The following SCP2 variants were observed in gnomAD, a reference collection of about 807,000 sequenced individuals.
SCP2 encodes sterol carrier protein 2, also known as SCP-2/3-oxoacyl-CoA thiolase.
Under a neutral mutation model 71.4 loss-of-function variants are expected in SCP2, and 48 were observed. That is an observed-to-expected ratio of 0.67 (90% CI 0.53 to 0.86). SCP2 has a LOEUF of 0.86. SCP2 is among the 40% of genes least tolerant of loss of function. The probability of loss-of-function intolerance (pLI) is 0.00; values close to 1 mark genes in which losing one functional copy is unlikely to be tolerated. For missense variants in SCP2, 560 were observed against 655.6 expected, an observed-to-expected ratio of 0.85 and a Z score of 1.59; for synonymous variants, 220 against 218.1, an observed-to-expected ratio of 1.01 and a Z score of -0.08.
intron 1 of SCP2, among the ~76,000 whole-genome samples, chr1:52,939,616 T>C (rs111523744): frequency 0.043 from 6,491 of 152,280 alleles, 399 homozygotes; most frequent in African/African-American, 0.14. Context: ...TCAACTCCTT[T>C]GGGTAAATGC....
chr1:53,020,657 A>G lies in SCP2; in HGVS notation c.1235+5614A>G, dbSNP rs115483090. Among the ~76,000 whole-genome samples, 1,032 of 152,250 alleles carry G rather than the reference A, an allele frequency of 6.8e-3. 11 individuals are homozygous for G. Among genetic ancestry groups the G allele is most frequent in the African/African-American group, 0.023 (976 of 41,542 alleles). The stretch of plus-strand genomic sequence containing the variant: ...ACTTAGGGGTATAGGAAAAAAATGA[A>G]CTTAAATTTTTAGTACAGTATGGGG... On this transcript the variant is annotated intron_variant, in intron 12 of 15. Transcript: ENST00000371514.
At chr1:53,024,030 G>T (rs186439693) in intron 12 of SCP2, among the ~76,000 whole-genome samples, 269 of 152,212 alleles carry the variant, frequency 1.8e-3, no homozygotes, top group Non-Finnish European at 3.0e-3. Flanking sequence ...CAGGCCACAA[G>T]ATTTTTCTCC....
intron 10 of SCP2, among the ~76,000 whole-genome samples, chr1:52,986,910 A>G (rs899002514): frequency 6.7e-6 from 1 of 149,740 alleles, no homozygotes; most frequent in Non-Finnish European, 1.5e-5. Context: ...ACTACATATC[A>G]CTTCATTCAC....
At chr1:53,006,122 G>T (rs1572176063) in intron 11 of SCP2, among the ~76,000 whole-genome samples, 1 of 152,310 alleles carries the variant, frequency 6.6e-6, no homozygotes, top group East Asian at 1.9e-4. Flanking sequence ...AGAAATATGG[G>T]ACTATGTGAA....
chr1:52,982,113 T>C (rs114041687), intron 10 of SCP2, among the ~76,000 whole-genome samples: 3,798 of 152,286 alleles, frequency 0.025, 171 homozygotes, highest in African/African-American at 0.087. Flanking sequence ...CTTGGCACTA[T>C]TGACATTTGA....
At chr1:52,957,155 A>G (rs1264000588) in intron 5 of SCP2, among the ~76,000 whole-genome samples, 1 of 152,048 alleles carries the variant, frequency 6.6e-6, no homozygotes, top group African/African-American at 2.4e-5. Flanking sequence ...TGATCTACCC[A>G]CCTCGGCCTC....
chr1:53,031,718 C>G (rs1197597679), intron 13 of SCP2, among the ~76,000 whole-genome samples: 2 of 152,212 alleles, frequency 1.3e-5, no homozygotes, highest in Non-Finnish European at 2.9e-5. Context: ...CCCTCTCTCA[C>G]TCCCACTTCA....
chr1:52,940,305 A>C (rs1264123825), intron 1 of SCP2: 1 of 154,190 alleles, frequency 6.5e-6, no homozygotes, highest in Non-Finnish European at 1.5e-5. Flanking sequence ...TGTGGGTGCA[A>C]AGGGAGCTGA....
chr1:52,979,902 C>CCCTTCCTT (rs796599039), intron 9 of SCP2, among the ~76,000 whole-genome samples: 31 of 148,142 alleles, frequency 2.1e-4, no homozygotes, highest in African/African-American at 7.6e-4. Context: ...CTCCCTCCCT[C>CCCTTCCTT]CCTTCCTTCC....
In SCP2 at chr1:52,970,538, C is replaced by CT. The variant is rs144036005; in HGVS notation, c.524-4221dup. On this transcript the variant is annotated intron_variant, in intron 6 of 15. Transcript: ENST00000371514. The stretch of plus-strand genomic sequence containing the variant: ...AAAGGGACCTTGCCCTTTCATTTTG[C>CT]TTTTTTTTTTCCTCTCAGAACTTAT... Among the ~76,000 whole-genome samples, 1,192 of 149,414 alleles carry CT rather than the reference C, an allele frequency of 8.0e-3. 11 individuals carry two copies. Among genetic ancestry groups the CT allele is most frequent in the African/African-American group, 0.025 (1,037 of 40,848 alleles).
intron 6 of SCP2, among the ~76,000 whole-genome samples, chr1:52,966,775 C>T (rs1339854061): frequency 1.3e-5 from 2 of 151,772 alleles, no homozygotes; most frequent in African/African-American, 2.4e-5. Flanking sequence ...CACCTGTAAT[C>T]CCAGCTATTT....
chr1:52,975,158 A>G (rs549204863), intron 7 of SCP2, among the ~76,000 whole-genome samples: 2 of 151,722 alleles, frequency 1.3e-5, no homozygotes, highest in African/African-American at 4.8e-5. Context: ...CTGGGACTAC[A>G]GGAGCCACCA....
intron 6 of SCP2, among the ~76,000 whole-genome samples, chr1:52,964,337 G>A (rs1243807806): frequency 3.3e-5 from 5 of 151,432 alleles, no homozygotes; most frequent in African/African-American, 1.2e-4. Context: ...GAGTAGCTGG[G>A]ACTATAGGCA....
chr1:53,037,966 C>T (rs1448099609), intron 13 of SCP2, among the ~76,000 whole-genome samples: 2 of 116,174 alleles, frequency 1.7e-5, no homozygotes, highest in Non-Finnish European at 3.7e-5. Flanking sequence ...CACACACACA[C>T]ACACACACAC....
intron 11 of SCP2, among the ~76,000 whole-genome samples, chr1:53,000,812 G>A (rs897358268): frequency 2.0e-5 from 3 of 151,864 alleles, no homozygotes; most frequent in Non-Finnish European, 4.4e-5. Flanking sequence ...AAAATTAGCC[G>A]GGCCTGATGG....
chr1:53,034,973 C>G (rs189970539), intron 13 of SCP2, among the ~76,000 whole-genome samples: 9,672 of 151,932 alleles, frequency 0.064, 863 homozygotes, highest in African/African-American at 0.2. Flanking sequence ...GGTGTGGTGG[C>G]GGGCACCTGT....
At position 53,050,952 on chromosome 1, in the gene SCP2, G is replaced by A. The variant is rs1664164039; in HGVS notation, c.*248G>A. ...AAGTTAATATGGTAATTATGGTCTG[G>A]GGTAAAATTGAGTTTCAGAATAAAA... On this transcript the variant is annotated 3_prime_UTR_variant, in exon 16 of 16. Transcript: ENST00000371514. 4 of 310,298 alleles carry A rather than the reference G, an allele frequency of 1.3e-5. No individual in the cohort carries two copies. Among genetic ancestry groups the A allele is most frequent in the South Asian group, 1.1e-4 (2 of 18,256 alleles). The allele number at this position is 310,298 out of a possible 1,614,324, so 19.2% of individuals were successfully genotyped here. A position where few individuals can be genotyped will look rare whatever the true frequency, so the allele number is the denominator to read the frequency against.
In SCP2 at chr1:53,015,492, C is replaced by T. The variant is rs1223309510; in HGVS notation, c.1235+449C>T. 3.3e-5 allele frequency among the ~76,000 whole-genome samples: 5 copies of T among 152,236 alleles called. No individual in the cohort carries two copies. In the South Asian group the frequency reaches 6.2e-4, roughly 19 times the overall value. On this transcript the variant is annotated intron_variant, in intron 12 of 15. Coordinates refer to ENST00000371514, the MANE Select transcript of SCP2 (RefSeq NM_002979.5). ...TGCTGACTTTCTTCCTCTCCTTCAA[C>T]TGCCCATGCTCCTCAATTTGCAGGC...
chr1:53,009,558 A>G (rs1660853755), intron 11 of SCP2, among the ~76,000 whole-genome samples: 1 of 152,266 alleles, frequency 6.6e-6, no homozygotes, highest in African/African-American at 2.4e-5. Context: ...CGGTGCTGGG[A>G]AAACTGGCTA....
Sources: gnomAD v4.1 joint callset for allele counts (sites outside exome capture counted in the v4.1 genomes callset) on GRCh38, gnomAD v4.1.1 for gene constraint, MANE v1.5 for transcripts, NCBI Gene and HGNC (gene_info 2026-07-23, HGNC 2026-07-21) for gene names.